The following DUSP29 variants were observed in gnomAD, a reference collection of about 807,000 sequenced individuals.
The protein encoded by DUSP29 is dual specificity phosphatase 29, also known as atypical dual-specific protein phosphatase.
Under a neutral mutation model 13.5 loss-of-function variants are expected in DUSP29, and 12 were observed. That is an observed-to-expected ratio of 0.89 (90% CI 0.57 to 1.44). DUSP29 has a LOEUF of 1.44. Ranked by LOEUF, DUSP29 falls within the 40% of genes most tolerant of loss-of-function variation. DUSP29 has a pLI of 0.00. For missense variants in DUSP29, 308 were observed against 301.1 expected (o/e 1.02, Z -0.17); for synonymous variants, 134 against 128.7 (o/e 1.04, Z -0.28).
chr10:75,061,461 C>T (rs12763873), intron 1 of DUSP29, among the ~76,000 whole-genome samples: 49,524 of 152,010 alleles, frequency 0.33, 8,834 homozygotes, highest in East Asian at 0.69. Flanking sequence ...CTGAAGACCA[C>T]GTCTGTCAGA....
At chr10:75,066,920 G>A (rs566400946) in intron 1 of DUSP29, among the ~76,000 whole-genome samples, 2 of 151,764 alleles carry the variant, frequency 1.3e-5, no homozygotes, top group East Asian at 1.9e-4. Context: ...TGTGGATCTT[G>A]AAGCTTATTC....
intron 2 of DUSP29, 22 bp from the exon 3 acceptor site, chr10:75,044,039 C>G (rs1380770526): frequency 6.3e-7 from 1 of 1,594,698 alleles, no homozygotes; most frequent in Admixed American, 1.7e-5. Context: ...GGAGAGAAAT[C>G]TGTGGGCGCG....
intron 1 of DUSP29, among the ~76,000 whole-genome samples, chr10:75,063,588 G>T (rs1228083977): frequency 6.6e-6 from 1 of 152,024 alleles, no homozygotes; most frequent in East Asian, 1.9e-4. Flanking sequence ...TCTCCTGGAG[G>T]CTGGCCCGTG....
At chr10:75,041,210 G>T (rs998213707) in intron 3 of DUSP29, among the ~76,000 whole-genome samples, 15 of 152,168 alleles carry the variant, frequency 9.9e-5, no homozygotes, top group Non-Finnish European at 2.2e-4. Flanking sequence ...CGTCCACTGG[G>T]TATGAAGTCT....
chr10:75,071,912 G>A (rs1342108870), intron 1 of DUSP29, among the ~76,000 whole-genome samples: 3 of 152,204 alleles, frequency 2.0e-5, no homozygotes, highest in Non-Finnish European at 2.9e-5. Flanking sequence ...TGTCAAAAGC[G>A]CGCCGGCAGA....
In DUSP29 at chr10:75,043,927, C is replaced by T. The variant is rs199501939; in HGVS notation, c.291G>A (p.Gly97=). The T allele has an allele frequency of 3.7e-6, 6 of 1,613,834 alleles. No individual in the cohort carries two copies. The highest frequency in any genetic ancestry group is 1.3e-5 in the African/African-American group (1 of 75,048). ...AAHGRWNVDT[G]PDYYRDMDIQ... is the part of the protein sequence containing the mutation. ...TGTCCATGTCGCGGTAGTAGTCGGG[C>T]CCAGTGTCCACGTTCCAGCGGCCGT... The change falls in exon 3 of 4, where the codon GGG becomes GGA. Residue 97 remains glycine (G), a synonymous_variant. Transcript: ENST00000338487.
chr10:75,062,371 C>T (rs1341932047), intron 1 of DUSP29, among the ~76,000 whole-genome samples: 2 of 152,244 alleles, frequency 1.3e-5, no homozygotes, highest in Non-Finnish European at 2.9e-5. Context: ...TCTGAAACCT[C>T]CGTCTGCCTC....
chr10:75,044,058 T>A, intron 2 of DUSP29, 41 bp from the exon 3 acceptor site: 1 of 1,568,750 alleles, frequency 6.4e-7, no homozygotes, highest in Non-Finnish European at 8.6e-7. Flanking sequence ...CGCGGCGCCC[T>A]GCCCCGGGTC....
chr10:75,050,645 G>A (rs1264469114), intron 2 of DUSP29, among the ~76,000 whole-genome samples: 1 of 152,252 alleles, frequency 6.6e-6, no homozygotes, highest in East Asian at 1.9e-4. Flanking sequence ...CACACAGTGG[G>A]GACTGGGACG....
intron 1 of DUSP29, among the ~76,000 whole-genome samples, chr10:75,063,724 T>C (rs936180982): frequency 6.6e-6 from 1 of 151,832 alleles, no homozygotes; most frequent in African/African-American, 2.4e-5. Flanking sequence ...ATAAACAACA[T>C]GCACCCAAAC....
rs151203084 is a variant in DUSP29, at chr10:75,046,330, C to T, written c.201-2313G>A. ...GGAAGATGTGACAAGGGTCTGGAGC[C>T]GTACCAGTAAGAGGGTAAAAGTGGC... On this transcript the variant is annotated intron_variant, in intron 2 of 3. Coordinates refer to ENST00000338487, the MANE Select transcript of DUSP29 (RefSeq NM_001003892.3). Among the ~76,000 whole-genome samples, 984 of 152,168 alleles carry T rather than the reference C, an allele frequency of 6.5e-3. 14 individuals carry two copies. Among genetic ancestry groups the T allele is most frequent in the East Asian group, 0.033 (170 of 5,174 alleles).
intron 2 of DUSP29, among the ~76,000 whole-genome samples, chr10:75,057,026 G>A (rs1370695545): frequency 3.3e-5 from 5 of 151,996 alleles, no homozygotes; most frequent in African/African-American, 4.8e-5. Context: ...CTTTAATCCC[G>A]GCACTTTGGG....
Position 75,052,855 on chromosome 10 carries a change from C to A in DUSP29, c.200+5460G>T, listed in dbSNP as rs2134291641. Among the ~76,000 whole-genome samples the A allele has an allele frequency of 1.3e-5, 2 of 152,362 alleles. 1 individual carries two copies. ...GCATTATTGTTAGAACGTTTGCAGCCCCTCTGGCTGCGCTAGTTATACTTT... is the reference window on the plus strand; with the variant it reads ...GCATTATTGTTAGAACGTTTGCAGCACCTCTGGCTGCGCTAGTTATACTTT... On this transcript the variant is annotated intron_variant, in intron 2 of 3. Coordinates refer to ENST00000338487, the MANE Select transcript of DUSP29 (RefSeq NM_001003892.3).
chr10:75,071,178 G>C (rs909100994), intron 1 of DUSP29, among the ~76,000 whole-genome samples: 1 of 152,248 alleles, frequency 6.6e-6, no homozygotes, highest in African/African-American at 2.4e-5. Context: ...AGAACACTTA[G>C]TATTTGTGTC....
chr10:75,052,330 C>T (rs1431000297), intron 2 of DUSP29, among the ~76,000 whole-genome samples: 5 of 122,694 alleles, frequency 4.1e-5, no homozygotes, highest in African/African-American at 3.2e-5. Flanking sequence ...TTTCTTGAGA[C>T]GGAGTTTCGC....
intron 3 of DUSP29, among the ~76,000 whole-genome samples, chr10:75,038,643 T>C (rs1846519439): frequency 6.8e-6 from 1 of 148,064 alleles, no homozygotes; most frequent in African/African-American, 2.5e-5. Flanking sequence ...TGTAGTTCAT[T>C]AAGCCTTTTG....
intron 1 of DUSP29, among the ~76,000 whole-genome samples, chr10:75,061,226 A>C (rs868740331): frequency 1.3e-5 from 2 of 152,152 alleles, no homozygotes; most frequent in African/African-American, 4.8e-5. Context: ...TCTCCATGAT[A>C]GAAATTTAAA....
At chr10:75,060,607 T>C (rs1217006384) in intron 1 of DUSP29, among the ~76,000 whole-genome samples, 1 of 152,176 alleles carries the variant, frequency 6.6e-6, no homozygotes, top group Admixed American at 6.5e-5. Flanking sequence ...TATATACTAC[T>C]GGGTTGATAC....
chr10:75,048,103 A>G (rs1170576741), intron 2 of DUSP29, among the ~76,000 whole-genome samples: 1 of 152,158 alleles, frequency 6.6e-6, no homozygotes, highest in African/African-American at 2.4e-5. Flanking sequence ...CGTAGGAGAC[A>G]TTTTTAAAGG....
Sources: gnomAD v4.1 joint callset for allele counts (sites outside exome capture counted in the v4.1 genomes callset) on GRCh38, gnomAD v4.1.1 for gene constraint, MANE v1.5 for transcripts, NCBI Gene and HGNC (gene_info 2026-07-23, HGNC 2026-07-21) for gene names.